Variants in CPED1 observed in about 807,000 individuals in gnomAD.
CPED1 encodes the protein cadherin-like and PC-esterase domain-containing protein 1.
CPED1 carries 114 observed loss-of-function variants against 128.2 expected under a neutral mutation model. The observed-to-expected ratio is 0.89, with a 90% CI of 0.76 to 1.04. CPED1 has a LOEUF of 1.04. CPED1 is among the 50% of genes least tolerant of loss of function. The pLI is 0.00. For missense variants in CPED1, 1,211 were observed against 1,207.1 expected, an observed-to-expected ratio of 1.00 and a Z score of -0.05; for synonymous variants, 462 against 426.7, an observed-to-expected ratio of 1.08 and a Z score of -1.02.
intron 4 of CPED1, among the ~76,000 whole-genome samples, chr7:121,057,633 G>T (rs1793394900): frequency 6.6e-6 from 1 of 152,204 alleles, no homozygotes. Flanking sequence ...GGCCTGAGAG[G>T]CTTGACTTGC....
chr7:121,096,958 C>T (rs939145320), intron 5 of CPED1, among the ~76,000 whole-genome samples: 3 of 152,012 alleles, frequency 2.0e-5, no homozygotes, highest in Non-Finnish European at 4.4e-5. Context: ...GAAATATATG[C>T]ATCTGACCCA....
intron 16 of CPED1, among the ~76,000 whole-genome samples, chr7:121,157,063 G>A (rs1032620427): frequency 6.6e-6 from 1 of 152,186 alleles, no homozygotes; most frequent in African/African-American, 2.4e-5. Flanking sequence ...TAGCAATTAT[G>A]TTTCTGGAGA....
intron 21 of CPED1, 135 bp downstream of exon 21, chr7:121,267,437 C>G (rs944312764): frequency 2.2e-6 from 1 of 449,194 alleles, no homozygotes; most frequent in Non-Finnish European, 4.0e-6. Flanking sequence ...GCTTTAAGTT[C>G]CCTTACCCCA....
At chr7:121,261,779 CT>C in intron 18 of CPED1, 1 of 1,523,912 alleles carries the variant, frequency 6.6e-7, no homozygotes, top group South Asian at 1.2e-5. Flanking sequence ...GAGTAATAAA[CT>C]TTAATTGGGT....
At chr7:121,129,894 G>GA (rs57382514) in intron 11 of CPED1, among the ~76,000 whole-genome samples, 81,215 of 145,892 alleles carry the variant, frequency 0.56, 23,117 homozygotes, top group African/African-American at 0.68. Context: ...TCAATGAAAA[G>GA]AAAAAAAAAA....
chr7:120,997,984 TA>T (rs1272702915), intron 2 of CPED1, among the ~76,000 whole-genome samples: 2 of 147,292 alleles, frequency 1.4e-5, no homozygotes, highest in African/African-American at 5.0e-5. Flanking sequence ...AAATAAAAAA[TA>T]AAAAGAAGAG....
At chr7:121,098,779 T>A (rs5005510) in intron 6 of CPED1, among the ~76,000 whole-genome samples, 41,352 of 110,892 alleles carry the variant, frequency 0.37, 7,485 homozygotes, top group Middle Eastern at 0.45. Context: ...TATATATATA[T>A]AAAAATATAT....
At chr7:121,145,125 A>G in intron 16 of CPED1, among the ~76,000 whole-genome samples, 1 of 150,712 alleles carries the variant, frequency 6.6e-6, no homozygotes, top group East Asian at 1.9e-4. Context: ...TATCAACTAT[A>G]CATGTGTATT....
chr7:121,138,044 T>C (rs1365456324), intron 14 of CPED1, among the ~76,000 whole-genome samples: 2 of 152,096 alleles, frequency 1.3e-5, no homozygotes, highest in African/African-American at 4.8e-5. Context: ...GTTTTTATGC[T>C]GATAAAAATT....
chr7:120,991,863 C>T (rs1796314435), intron 2 of CPED1, among the ~76,000 whole-genome samples: 1 of 152,228 alleles, frequency 6.6e-6, no homozygotes, highest in East Asian at 1.9e-4. Context: ...TTCAGGAGCC[C>T]AGTGGATATG....
In CPED1 at chr7:121,229,567, G is replaced by A. The variant is rs561461647; in HGVS notation, c.2056-7147G>A. Reference sequence around the variant, plus strand: ...TTAGAAATCTCAAAATCCAAATATTGCATGATTTTCACTTTACAGTACTTA... The same window carrying A: ...TTAGAAATCTCAAAATCCAAATATTACATGATTTTCACTTTACAGTACTTA... On this transcript the variant is annotated intron_variant, in intron 16 of 22. Coordinates refer to ENST00000310396, the MANE Select transcript of CPED1 (RefSeq NM_024913.5). Among the ~76,000 whole-genome samples, 5 of 151,946 alleles carry A rather than the reference G, an allele frequency of 3.3e-5. No homozygotes were observed. The South Asian group carries it at 8.3e-4, about 25-fold the overall frequency.
chr7:121,041,581 C>T (rs560821261), intron 3 of CPED1, among the ~76,000 whole-genome samples: 9 of 152,184 alleles, frequency 5.9e-5, no homozygotes, highest in African/African-American at 1.4e-4. Flanking sequence ...GATTAAATTA[C>T]GGATCTTGCA....
chr7:121,030,806 T>C (rs1200651222), intron 3 of CPED1, among the ~76,000 whole-genome samples: 1 of 152,208 alleles, frequency 6.6e-6, no homozygotes, highest in African/African-American at 2.4e-5. Context: ...AGGCATCCAC[T>C]TGAGGGGGGA....
chr7:121,296,489 T>A lies in CPED1; in HGVS notation c.*837T>A, dbSNP rs1173239418. 2.6e-5 allele frequency: 4 copies of A among 152,148 alleles called. No homozygotes were observed. Among genetic ancestry groups the A allele is most frequent in the African/African-American group, 9.6e-5 (4 of 41,454 alleles). 9.4% of individuals were successfully genotyped at this position (152,148 alleles called of 1,614,324 possible). ...TCTTGTGTTTGCCATTACAGCCCTA[T>A]GTAACTTAAAATTACAATTATATTT... is the stretch of plus-strand genomic sequence containing the variant. On this transcript the variant is annotated 3_prime_UTR_variant, in exon 23 of 23. Coordinates refer to ENST00000310396, the MANE Select transcript of CPED1 (RefSeq NM_024913.5).
At chr7:121,104,375 A>G (rs1012699968) in intron 7 of CPED1, among the ~76,000 whole-genome samples, 2 of 152,154 alleles carry the variant, frequency 1.3e-5, no homozygotes, top group African/African-American at 4.8e-5. Context: ...TAACTGCAAG[A>G]AATGTCATAA....
In CPED1 at chr7:121,074,509, G is replaced by GTTTTTTTTTTTTTTTTTTTTTT. The variant is rs1157885862; in HGVS notation, c.616+10214_616+10215insTTTTTTTTTTTTTTTTTTTTTT. ...TTCCTTACTAATAAATTTCCTTTGT[G>GTTTTTTTTTTTTTTTTTTTTTT]TTTTTTTTTTTTTTTTTTGAGGGCA... On this transcript the variant is annotated intron_variant, in intron 5 of 22. Coordinates refer to ENST00000310396, the MANE Select transcript of CPED1 (RefSeq NM_024913.5). Among the ~76,000 whole-genome samples, 21 of 80,836 alleles carry GTTTTTTTTTTTTTTTTTTTTTT rather than the reference G, an allele frequency of 2.6e-4. 1 individual carries two copies. The highest frequency in any genetic ancestry group is 9.1e-4 in the African/African-American group (20 of 22,020). 53.0% of individuals were successfully genotyped at this position (80,836 alleles called of 152,430 possible).
intron 16 of CPED1, among the ~76,000 whole-genome samples, chr7:121,184,661 T>A (rs1180265822): frequency 6.6e-6 from 1 of 152,090 alleles, no homozygotes; most frequent in Non-Finnish European, 1.5e-5. Context: ...ATTGCCTTAA[T>A]CAAATTCTGG....
chr7:121,176,392 T>A (rs73215392), intron 16 of CPED1, among the ~76,000 whole-genome samples: 268 of 151,962 alleles, frequency 1.8e-3, no homozygotes, highest in Admixed American at 4.1e-3. Context: ...CTTTTTTTTT[T>A]AAACATGTTT....
At chr7:121,007,124 G>A (rs773473187) in intron 2 of CPED1, among the ~76,000 whole-genome samples, 45 of 151,900 alleles carry the variant, frequency 3.0e-4, no homozygotes, top group Admixed American at 4.6e-4. Flanking sequence ...CACCCTATGC[G>A]TAGGGGTTAG....
Sources: allele counts gnomAD v4.1 joint callset (sites outside exome capture counted in the v4.1 genomes callset), GRCh38; gene constraint gnomAD v4.1.1; transcripts MANE v1.5; gene names NCBI Gene and HGNC (gene_info 2026-07-23, HGNC 2026-07-21).